CDK12: variants seen among roughly 807,000 people sequenced by gnomAD.
CDK12 encodes the protein cyclin dependent kinase 12.
In CDK12, 17 loss-of-function variants were observed where a neutral mutation model predicts 133.8. That is an observed-to-expected ratio of 0.13 (90% CI 0.09 to 0.19). The LOEUF is 0.19. Ranked by LOEUF, CDK12 falls within the 10% of genes least tolerant of loss-of-function variation. The pLI, the probability that CDK12 is intolerant of heterozygous loss-of-function variation, is 1.00. For missense variants in CDK12, 1,508 were observed against 1,818.7 expected, an observed-to-expected ratio of 0.83 and a Z score of 3.11; for synonymous variants, 694 against 683.6, an observed-to-expected ratio of 1.02 and a Z score of -0.24.
intron 2 of CDK12, among the ~76,000 whole-genome samples, chr17:39,478,567 G>A (rs1160852164): frequency 6.6e-6 from 1 of 152,146 alleles, no homozygotes; most frequent in African/African-American, 2.4e-5. Context: ...TAGACCAGGT[G>A]CTGTGGCTCA....
At chr17:39,548,576 C>T (rs527962767), upstream of CDK12, among the ~76,000 whole-genome samples, 2 of 152,278 alleles carry the variant, frequency 1.3e-5, no homozygotes, top group Admixed American at 1.3e-4. Flanking sequence ...TTAGTCTCCC[C>T]GTCACCTACT....
chr17:39,467,390 G>A lies in CDK12; in HGVS notation c.1047-3489G>A, dbSNP rs116903011. 8.8e-3 allele frequency among the ~76,000 whole-genome samples: 1,340 copies of A among 152,070 alleles called. 9 individuals are homozygous for A. The highest frequency in any genetic ancestry group is 0.017 in the Middle Eastern group (5 of 294). Reference sequence around the variant, plus strand: ...TGGAACCTAACTTAATTCGGTGAGTGGGGGGGAAATACATTTGTTTTTGAA... The same window carrying A: ...TGGAACCTAACTTAATTCGGTGAGTAGGGGGGAAATACATTTGTTTTTGAA... On this transcript the variant is annotated intron_variant, in intron 1 of 13. Coordinates refer to ENST00000447079, the MANE Select transcript of CDK12 (RefSeq NM_016507.4).
chr17:39,510,970 C>G (rs1412218136), intron 7 of CDK12, among the ~76,000 whole-genome samples: 3 of 139,296 alleles, frequency 2.2e-5, no homozygotes, highest in Non-Finnish European at 4.7e-5. Flanking sequence ...AATCCCAGCA[C>G]TTTGGGAGAC....
At chr17:39,471,907 C>A in intron 2 of CDK12, 144 bp downstream of exon 2, 1 of 731,592 alleles carries the variant, frequency 1.4e-6, no homozygotes, top group Non-Finnish European at 2.2e-6. Flanking sequence ...GTAATTATGA[C>A]ATTATTACTT....
In CDK12 at chr17:39,494,391, G is replaced by GGT. The variant is rs909909780; in HGVS notation, c.2249-130_2249-129dup. The GGT allele has an allele frequency of 2.7e-5, 19 of 706,290 alleles. No individual in the cohort carries two copies. The Admixed American group carries it at 3.1e-4, about 12-fold the overall frequency. 43.8% of individuals were successfully genotyped at this position (706,290 alleles called of 1,614,324 possible). ...CCTGGCCTAGAGTTTACTTTTTAAA[G>GGT]GTGTATAAGTATCTCGTGTAAGCAT... On this transcript the variant is annotated intron_variant, in intron 4 of 13. Coordinates refer to ENST00000447079, the MANE Select transcript of CDK12 (RefSeq NM_016507.4).
intron 2 of CDK12, among the ~76,000 whole-genome samples, chr17:39,481,895 T>A (rs370989653): frequency 2.6e-5 from 4 of 151,636 alleles, no homozygotes; most frequent in African/African-American, 9.7e-5. Flanking sequence ...TAATTTTTTG[T>A]ATCCTTAGTA....
chr17:39,484,688 A>G (rs2050975515), intron 2 of CDK12, among the ~76,000 whole-genome samples: 1 of 152,166 alleles, frequency 6.6e-6, no homozygotes, highest in Admixed American at 6.6e-5. Flanking sequence ...GAAGCAGTAT[A>G]CATTTTTCAT....
chr17:39,501,980 G>T (rs1209603455), intron 6 of CDK12, among the ~76,000 whole-genome samples: 2 of 151,406 alleles, frequency 1.3e-5, no homozygotes, highest in African/African-American at 4.9e-5. Flanking sequence ...AAGTAGCTGG[G>T]ATTATAGGCG....
intron 3 of CDK12, among the ~76,000 whole-genome samples, chr17:39,562,217 C>T (rs759163900): frequency 6.6e-6 from 1 of 152,202 alleles, no homozygotes. Context: ...GGATTACAGG[C>T]GTGAGCCACC....
chr17:39,493,441 T>C (rs2051807615), intron 4 of CDK12, among the ~76,000 whole-genome samples: 1 of 152,054 alleles, frequency 6.6e-6, no homozygotes, highest in African/African-American at 2.4e-5. Context: ...CCCGAGTAGC[T>C]GGGGTTACAG....
intron 1 of CDK12, among the ~76,000 whole-genome samples, chr17:39,465,401 C>CT (rs55869013): frequency 2.9e-4 from 43 of 147,614 alleles, no homozygotes; most frequent in Admixed American, 1.2e-3. Flanking sequence ...CTGGATTACC[C>CT]TTTTTTTTTT....
chr17:39,461,985 G>T lies in CDK12; in HGVS notation c.-87G>T. The T allele has an allele frequency of 4.7e-6, 5 of 1,064,482 alleles. No individual in the cohort carries two copies. Among genetic ancestry groups the T allele is most frequent in the Non-Finnish European group, 6.7e-6 (5 of 744,296 alleles). 65.9% of individuals were successfully genotyped at this position (1,064,482 alleles called of 1,614,324 possible). ...CCCTTCCCGGGGCGCTTTGGTGGGCGTGGAGTTGGGGTTGGGGGGGTGGGT... is the reference window on the plus strand; with the variant it reads ...CCCTTCCCGGGGCGCTTTGGTGGGCTTGGAGTTGGGGTTGGGGGGGTGGGT... On this transcript the variant is annotated 5_prime_UTR_variant, in exon 1 of 14. Coordinates refer to ENST00000447079, the MANE Select transcript of CDK12 (RefSeq NM_016507.4).
chr17:39,526,444 G>T, intron 13 of CDK12, 128 bp downstream of exon 13: 1 of 683,740 alleles, frequency 1.5e-6, no homozygotes, highest in Non-Finnish European at 2.4e-6. Flanking sequence ...TAGTCTACAG[G>T]AGAACATAGC....
chr17:39,555,695 T>G (rs1045623378), intron 2 of CDK12, among the ~76,000 whole-genome samples: 15 of 151,440 alleles, frequency 9.9e-5, no homozygotes, highest in Non-Finnish European at 2.2e-4. Flanking sequence ...CCAGGAGAGA[T>G]AAAAGAATCA....
chr17:39,512,283 A>G (rs1029046674), intron 8 of CDK12, among the ~76,000 whole-genome samples: 1 of 152,152 alleles, frequency 6.6e-6, no homozygotes, highest in Non-Finnish European at 1.5e-5. Context: ...CAAATTGTAA[A>G]TGGATTAAAG....
At chr17:39,559,231 C>T in intron 3 of CDK12, among the ~76,000 whole-genome samples, 1 of 152,132 alleles carries the variant, frequency 6.6e-6, no homozygotes, top group East Asian at 1.9e-4. Flanking sequence ...ACATTTTGCC[C>T]ACTTTCACCG....
chr17:39,558,231 C>T (rs545208348), intron 3 of CDK12, among the ~76,000 whole-genome samples: 11 of 152,254 alleles, frequency 7.2e-5, no homozygotes, highest in African/African-American at 2.4e-4. Flanking sequence ...ACTCAGACTC[C>T]CCAAGAAATC....
Position 39,470,988 on chromosome 17 carries a change from C to T in CDK12, c.1156C>T (p.Pro386Ser), listed in dbSNP as rs1245259027. The T allele has an allele frequency of 6.2e-7, 1 of 1,614,010 alleles. No individual in the cohort carries two copies. The highest frequency in any genetic ancestry group is 1.3e-5 in the African/African-American group (1 of 74,932). Residue 386 changes from proline to serine, a missense_variant, in exon 2 of 14, where the codon CCT (proline) becomes TCT (serine). Physicochemically the swap from Pro to Ser is moderately conservative, Grantham distance 74. Transcript: ENST00000447079. ...SSRSRHSSIS[P>S]VRLPLNSSLG... ...ACGCAGTCGTCATTCCAGTATCTCA[C>T]CTGTCAGGCTTCCACTTAATTCCAG...
chr17:39,463,436 C>G (rs1296598022), intron 1 of CDK12, among the ~76,000 whole-genome samples: 1 of 152,080 alleles, frequency 6.6e-6, no homozygotes, highest in African/African-American at 2.4e-5. Flanking sequence ...GCATGTCTAG[C>G]TATTTCTGTT....
Sources: gnomAD v4.1 joint callset for allele counts (sites outside exome capture counted in the v4.1 genomes callset) on GRCh38, gnomAD v4.1.1 for gene constraint, MANE v1.5 for transcripts, NCBI Gene and HGNC (gene_info 2026-07-23, HGNC 2026-07-21) for gene names.